Variants in ALDH1B1 observed in about 807,000 individuals in gnomAD.
ALDH1B1 encodes aldehyde dehydrogenase family 1 member B1, mitochondrial.
A neutral mutation model predicts 26.2 loss-of-function variants in ALDH1B1; 19 were observed. The observed-to-expected ratio is 0.72, with a 90% CI of 0.51 to 1.06. The LOEUF is 1.06. ALDH1B1 is among the 50% of genes least tolerant of loss of function. The probability of loss-of-function intolerance (pLI) is 0.00; values close to 1 mark genes in which losing one functional copy is unlikely to be tolerated. For synonymous variants in ALDH1B1, 249 were observed against 286.0 expected (o/e 0.87, Z 1.31); for missense variants, 671 against 683.1 (o/e 0.98, Z 0.20).
At chr9:38,395,358 C>T (rs10758494) in intron 1 of ALDH1B1, among the ~76,000 whole-genome samples, 34,041 of 151,988 alleles carry the variant, frequency 0.22, 3,928 homozygotes, top group East Asian at 0.38. Flanking sequence ...TTGCATTTTA[C>T]TGGGGGGAGA....
rs147930374 is a variant in ALDH1B1 at position 38,397,187 on chromosome 9, C to T, written c.1439C>T (p.Thr480Met). 1.3e-4 allele frequency: 212 copies of T among 1,614,124 alleles called. No homozygotes were observed. The highest frequency in any genetic ancestry group is 1.6e-4 in the Non-Finnish European group (194 of 1,180,030). The change falls in exon 2 of 2, where the codon ACG (threonine) becomes ATG (methionine). Residue 480 changes from threonine (T) to methionine (M), a missense_variant. Coordinates refer to ENST00000377698, the MANE Select transcript of ALDH1B1 (RefSeq NM_000692.5). ...ACCTACAACATCGTCACCTGCCACA[C>T]GCCATTTGGAGGGTTTAAGGAATCT... ...VNTYNIVTCH[T>M]PFGGFKESGN...
chr9:38,397,147 A>G lies in ALDH1B1; in HGVS notation c.1399A>G (p.Thr467Ala), dbSNP rs142391851. ...MYFTQALQAGTVWVNTYNIVT... is the reference protein window; with the variant it reads ...MYFTQALQAGAVWVNTYNIVT... ...CTTCACCCAGGCACTCCAGGCCGGG[A>G]CCGTGTGGGTAAACACCTACAACAT... Residue 467 changes from threonine to alanine, a missense_variant, in exon 2 of 2, where the codon ACC (threonine) becomes GCC (alanine). By Grantham distance (58) the Thr-to-Ala change is moderately conservative. Coordinates refer to ENST00000377698, the MANE Select transcript of ALDH1B1 (RefSeq NM_000692.5). 8.7e-6 allele frequency: 14 copies of G among 1,614,018 alleles called. No individual in the cohort carries two copies. The Admixed American group carries it at 1.3e-4, about 15-fold the overall frequency.
chr9:38,394,666 G>C (rs1014833682), intron 1 of ALDH1B1: 1 of 984,940 alleles, frequency 1.0e-6, no homozygotes, highest in Non-Finnish European at 1.2e-6. Context: ...CTGCCCAGGG[G>C]TGGAGGGTGA....
Position 38,395,800 on chromosome 9 carries a change from C to T in ALDH1B1, c.52C>T (p.Arg18Cys), listed in dbSNP as rs139074626. Residue 18 changes from arginine to cysteine, a missense_variant, in exon 2 of 2, where the codon CGC becomes TGC. Transcript: ENST00000377698. Reference protein sequence around the residue: ...RLLSLQGRTARYSSAAALPSP... With the variant: ...RLLSLQGRTACYSSAAALPSP... Reference sequence around the variant, plus strand: ...GCTTAGCCTCCAGGGCAGGACCGCCCGCTACTCCTCGGCAGCAGCCCTCCC... The same window carrying T: ...GCTTAGCCTCCAGGGCAGGACCGCCTGCTACTCCTCGGCAGCAGCCCTCCC... 6.2e-5 allele frequency: 100 copies of T among 1,612,278 alleles called. No homozygotes were observed. In the African/African-American group the frequency reaches 1.0e-3, roughly 17 times the overall value.
At position 38,396,820 on chromosome 9, in the gene ALDH1B1, C is replaced by T. The variant is rs748419425; in HGVS notation, c.1072C>T (p.Gln358Ter). 8 of 1,614,116 alleles carry T rather than the reference C, an allele frequency of 5.0e-6. No homozygotes were observed. Among genetic ancestry groups the T allele is most frequent in the Admixed American group, 3.3e-5 (2 of 60,016 alleles). The change falls in exon 2 of 2, where the codon CAG becomes TAG. Residue 358 changes from glutamine (Q) to a stop codon, truncating the protein, a stop_gained. Coordinates refer to ENST00000377698, the MANE Select transcript of ALDH1B1 (RefSeq NM_000692.5). LOFTEE classifies it high-confidence loss of function. ...VGNPFELDTQ[Q>*]GPQVDKEQFE... ...GAACCCCTTTGAGCTGGACACCCAGCAGGGGCCTCAGGTGGACAAGGAGCA... is the reference window on the plus strand; with the variant it reads ...GAACCCCTTTGAGCTGGACACCCAGTAGGGGCCTCAGGTGGACAAGGAGCA...
In ALDH1B1 at chr9:38,396,129, T is replaced by C. The variant is rs370716991; in HGVS notation, c.381T>C (p.Asn127=). The change falls in exon 2 of 2, where the codon AAT becomes AAC. Residue 127 remains asparagine, a synonymous_variant. Transcript: ENST00000377698. ...VYLASLETLD[N]GKPFQESYAL... ...TGGCCTCACTCGAGACCTTGGACAA[T>C]GGGAAGCCTTTCCAAGAGTCTTACG... The C allele has an allele frequency of 1.1e-5, 17 of 1,614,140 alleles. No individual in the cohort carries two copies. The highest frequency in any genetic ancestry group is 1.4e-5 in the Non-Finnish European group (16 of 1,180,008).
rs767308480 is a variant in ALDH1B1, at chr9:38,396,912, A to G, written c.1164A>G (p.Gly388=). The change falls in exon 2 of 2, where the codon GGA becomes GGG. Residue 388 remains glycine (G), a synonymous_variant. Transcript: ENST00000377698. ...QKEGAKLLCG[G]ERFGERGFFI... ...AGGGCGCAAAACTCCTCTGTGGCGGAGAGCGTTTCGGGGAGCGTGGTTTCT... is the reference window on the plus strand; with the variant it reads ...AGGGCGCAAAACTCCTCTGTGGCGGGGAGCGTTTCGGGGAGCGTGGTTTCT... 78 of 1,614,084 alleles carry G rather than the reference A, an allele frequency of 4.8e-5. 3 individuals carry two copies. In the South Asian group the frequency reaches 7.9e-4, roughly 16 times the overall value.
intron 1 of ALDH1B1, 113 bp downstream of exon 1, chr9:38,392,920 C>T: frequency 1.0e-6 from 1 of 985,026 alleles, no homozygotes; most frequent in Non-Finnish European, 1.2e-6. Context: ...GGCCTTTCCG[C>T]CGTTGCACTG....
At position 38,397,168 on chromosome 9, in the gene ALDH1B1, A is replaced by G. The variant is rs781749331; in HGVS notation, c.1420A>G (p.Asn474Asp). The G allele has an allele frequency of 1.3e-5, 21 of 1,614,038 alleles. No homozygotes were observed. The change falls in exon 2 of 2, where the codon AAC (asparagine) becomes GAC (aspartate). Residue 474 changes from asparagine (N) to aspartate (D), a missense_variant. By Grantham distance (23) the Asn-to-Asp change is conservative (BLOSUM62 1). Coordinates refer to ENST00000377698, the MANE Select transcript of ALDH1B1 (RefSeq NM_000692.5). ...CGGGACCGTGTGGGTAAACACCTAC[A>G]ACATCGTCACCTGCCACACGCCATT... ...QAGTVWVNTY[N>D]IVTCHTPFGG...
At chr9:38,392,966 G>C (rs1008809591) in intron 1 of ALDH1B1, among the ~76,000 whole-genome samples, 159 bp downstream of exon 1, 1 of 152,102 alleles carries the variant, frequency 6.6e-6, no homozygotes, top group Non-Finnish European at 1.5e-5. Context: ...CCCATCCCCC[G>C]CCTCTGGGTG....
rs1187189662 is a variant in ALDH1B1 at position 38,397,272 on chromosome 9, C to T, written c.1524C>T (p.Val508=). ...AGGCCTACACAGAGGTAAAGACGGT[C>T]ACCATCAAGGTTCCTCAGAAGAACT... is the stretch of plus-strand genomic sequence containing the variant. ...GLKAYTEVKT[V]TIKVPQKNS The change falls in exon 2 of 2, where the codon GTC becomes GTT. Residue 508 remains valine (V), a synonymous_variant. Transcript: ENST00000377698. 1 of 1,613,580 alleles carries T rather than the reference C, an allele frequency of 6.2e-7. No individual in the cohort carries two copies.
rs748385218 is a variant in ALDH1B1 at position 38,395,921 on chromosome 9, A to G, written c.173A>G (p.Asn58Ser). Residue 58 changes from asparagine to serine, a missense_variant, in exon 2 of 2, where the codon AAC becomes AGC. By Grantham distance (46) the Asn-to-Ser change is conservative (BLOSUM62 1). Transcript: ENST00000377698. ...AVSKKTFPTVNPTTGEVIGHV... is the reference protein window; with the variant it reads ...AVSKKTFPTVSPTTGEVIGHV... ...AGCAAGAAGACCTTCCCGACGGTCA[A>G]CCCTACCACCGGGGAGGTCATTGGG... is the stretch of plus-strand genomic sequence containing the variant. 8.1e-6 allele frequency: 13 copies of G among 1,613,718 alleles called. No individual in the cohort carries two copies. In the African/African-American group the frequency reaches 1.3e-4, roughly 17 times the overall value.
At position 38,396,473 on chromosome 9, in the gene ALDH1B1, GC is replaced by G. The variant is rs748412978; in HGVS notation, c.728del (p.Pro243GlnfsTer27). On this transcript the variant is annotated frameshift_variant, in exon 2 of 2. Transcript: ENST00000377698. LOFTEE classifies it high-confidence loss of function. ...PGVVNIITGY[G>X]PTAGAAIAQH... The stretch of plus-strand genomic sequence containing the variant: ...GTGGTGAACATCATCACGGGGTATG[GC>G]CCAACAGCAGGTGCGGCCATCGCCC... 6.2e-7 allele frequency: 1 copy of G among 1,614,068 alleles called. No individual in the cohort carries two copies. The highest frequency in any genetic ancestry group is 8.5e-7 in the Non-Finnish European group (1 of 1,179,994).
In ALDH1B1 at chr9:38,396,910, G is replaced by A. The variant is rs202177927; in HGVS notation, c.1162G>A (p.Gly388Arg). 18 of 1,612,682 alleles carry A rather than the reference G, an allele frequency of 1.1e-5. No individual in the cohort carries two copies. Among genetic ancestry groups the A allele is most frequent in the East Asian group, 4.5e-5 (2 of 44,876 alleles). The change falls in exon 2 of 2, where the codon GGA becomes AGA. Residue 388 changes from glycine (G) to arginine (R), a missense_variant. By Grantham distance (125) the Gly-to-Arg change is moderately radical (BLOSUM62 -2). Transcript: ENST00000377698. ...QKEGAKLLCG[G>R]ERFGERGFFI... ...GGAGGGCGCAAAACTCCTCTGTGGC[G>A]GAGAGCGTTTCGGGGAGCGTGGTTT... is the stretch of plus-strand genomic sequence containing the variant.
At chr9:38,394,435 T>C (rs1026953789) in intron 1 of ALDH1B1, 44 of 224,316 alleles carry the variant, frequency 2.0e-4, no homozygotes, top group African/African-American at 9.8e-4. Context: ...ACTACAGGCA[T>C]GCACCACTAT....
intron 1 of ALDH1B1, among the ~76,000 whole-genome samples, 180 bp from the exon 2 acceptor site, chr9:38,395,560 G>A (rs904544747): frequency 2.0e-5 from 3 of 152,108 alleles, no homozygotes; most frequent in East Asian, 3.9e-4. Flanking sequence ...GAGGATAGGC[G>A]GGACGTGATG....
chr9:38,398,445 G>A lies in ALDH1B1; in HGVS notation c.*1143G>A, dbSNP rs1302939158. On this transcript the variant is annotated 3_prime_UTR_variant, in exon 2 of 2. Transcript: ENST00000377698. ...TTCTCCTGTCTCAGCCTCCTGAGTA[G>A]CTGGGATTATAGGTACATGCCATCA... 1 of 152,382 alleles carries A rather than the reference G, an allele frequency of 6.6e-6. No individual in the cohort carries two copies. Among genetic ancestry groups the A allele is most frequent in the Non-Finnish European group, 1.5e-5 (1 of 67,992 alleles). 9.4% of individuals were successfully genotyped at this position (152,382 alleles called of 1,614,324 possible).
At chr9:38,393,801 C>A (rs1299869210) in intron 1 of ALDH1B1, among the ~76,000 whole-genome samples, 1 of 150,780 alleles carries the variant, frequency 6.6e-6, no homozygotes, top group South Asian at 2.1e-4. Flanking sequence ...ATCTTTTATT[C>A]TTTAATTCTT....
In ALDH1B1 at chr9:38,392,736, T is replaced by G. The variant is rs1441720666; in HGVS notation, c.-81T>G. Reference sequence around the variant, plus strand: ...ACCTGCGGCCAGCCCTGGGCGGCCATGTGGACAGAGCTGGGAGGGCCGGAA... The same window carrying G: ...ACCTGCGGCCAGCCCTGGGCGGCCAGGTGGACAGAGCTGGGAGGGCCGGAA... On this transcript the variant is annotated 5_prime_UTR_variant, in exon 1 of 2. It removes an upstream start codon present in the reference 5' UTR. Coordinates refer to ENST00000377698, the MANE Select transcript of ALDH1B1 (RefSeq NM_000692.5). The G allele has an allele frequency of 9.1e-6, 9 of 985,458 alleles. No homozygotes were observed. The South Asian group carries it at 1.4e-4, about 15-fold the overall frequency. 61.0% of individuals were successfully genotyped at this position (985,458 alleles called of 1,614,324 possible). A position where few individuals can be genotyped will look rare whatever the true frequency, so the allele number is the denominator to read the frequency against.
Sources: allele counts gnomAD v4.1 joint callset (sites outside exome capture counted in the v4.1 genomes callset), GRCh38; gene constraint gnomAD v4.1.1; transcripts MANE v1.5; gene names NCBI Gene and HGNC (gene_info 2026-07-23, HGNC 2026-07-21).